The following PUM1 variants were observed in gnomAD, a reference collection of about 807,000 sequenced individuals.
PUM1 encodes the protein pumilio RNA binding family member 1.
PUM1 carries 13 observed loss-of-function variants against 131.8 expected under a neutral mutation model. The observed-to-expected ratio is 0.10, with a 90% CI of 0.06 to 0.16. The LOEUF (loss-of-function observed/expected upper bound fraction) is 0.16. PUM1 is among the 10% of genes least tolerant of loss of function. The pLI is 1.00. For missense variants in PUM1, 961 were observed against 1,512.4 expected, an observed-to-expected ratio of 0.64 and a Z score of 6.05; for synonymous variants, 509 against 556.5, an observed-to-expected ratio of 0.91 and a Z score of 1.20.
chr1:30,980,977 T>C (rs1037555797), intron 8 of PUM1, among the ~76,000 whole-genome samples: 9 of 152,246 alleles, frequency 5.9e-5, no homozygotes, highest in Admixed American at 1.3e-4. Context: ...TATTAGTCTA[T>C]AGAACCACAA....
At chr1:31,019,155 C>A (rs534310329) in intron 3 of PUM1, among the ~76,000 whole-genome samples, 42 of 152,200 alleles carry the variant, frequency 2.8e-4, no homozygotes, top group African/African-American at 8.7e-4. Flanking sequence ...ATTTTCAAGA[C>A]CAACCTGGCC....
intron 2 of PUM1, among the ~76,000 whole-genome samples, chr1:31,056,260 C>T (rs2005360): frequency 0.28 from 42,266 of 151,682 alleles, 7,456 homozygotes; most frequent in East Asian, 0.53. Context: ...ATATCTTCAT[C>T]CCAAAGAAAG....
chr1:30,932,999 T>TA lies in PUM1; in HGVS notation c.*211dup, dbSNP rs1478180371. On this transcript the variant is annotated 3_prime_UTR_variant, in exon 22 of 22. Transcript: ENST00000426105. Reference sequence around the variant, plus strand: ...TAAAACAGCAGGGCAATTAGTCAATTAAAAAAAATAGTACATGTTATGTGT... The same window carrying TA: ...TAAAACAGCAGGGCAATTAGTCAATTAAAAAAAAATAGTACATGTTATGTGT... The TA allele has an allele frequency of 7.6e-5, 39 of 510,094 alleles. No homozygotes were observed. The highest frequency in any genetic ancestry group is 1.6e-4 in the East Asian group (4 of 25,458). The allele number at this position is 510,094 out of a possible 1,614,324, so 31.6% of individuals were successfully genotyped here.
At chr1:30,946,435 G>A (rs60447260) in intron 17 of PUM1, among the ~76,000 whole-genome samples, 2,424 of 151,264 alleles carry the variant, frequency 0.016, 71 homozygotes, top group African/African-American at 0.055. Context: ...TCAGGAGTTC[G>A]AGACCAGCCT....
At position 31,048,537 on chromosome 1, in the gene PUM1, C is replaced by T. The variant is rs187810967; in HGVS notation, c.363+10667G>A. Among the ~76,000 whole-genome samples the T allele has an allele frequency of 5.1e-3, 767 of 150,912 alleles. 4 individuals are homozygous for T. Among genetic ancestry groups the T allele is most frequent in the East Asian group, 0.032 (160 of 4,984 alleles). ...TCGCCCAGGCTGGAGTGCAATGGTG[C>T]GATCTCGGCTCACTGCAACCTCCGC... On this transcript the variant is annotated intron_variant, in intron 2 of 21. Transcript: ENST00000426105.
intron 18 of PUM1, 138 bp from the exon 19 acceptor site, chr1:30,942,261 A>C: frequency 5.2e-6 from 1 of 190,986 alleles, no homozygotes; most frequent in Non-Finnish European, 9.0e-6. Flanking sequence ...ATCTTCACAA[A>C]TGAACTTAAT....
chr1:31,010,675 T>C (rs1642579359), intron 3 of PUM1, among the ~76,000 whole-genome samples: 1 of 152,220 alleles, frequency 6.6e-6, no homozygotes, highest in South Asian at 2.1e-4. Context: ...TGGATTCTGA[T>C]GGTTGATACC....
chr1:31,019,133 G>A (rs1642929328), intron 3 of PUM1, among the ~76,000 whole-genome samples: 2 of 152,174 alleles, frequency 1.3e-5, no homozygotes, highest in African/African-American at 4.8e-5. Flanking sequence ...CGAGCGAATC[G>A]CTTGAGCCCA....
intron 3 of PUM1, among the ~76,000 whole-genome samples, chr1:31,015,661 T>C (rs1333888518): frequency 1.3e-5 from 2 of 148,988 alleles, no homozygotes; most frequent in African/African-American, 4.9e-5. Context: ...AATTTATTTA[T>C]TTTTCTTTTT....
intron 5 of PUM1, among the ~76,000 whole-genome samples, chr1:30,996,602 C>T (rs933960307): frequency 6.6e-6 from 1 of 152,188 alleles, no homozygotes; most frequent in African/African-American, 2.4e-5. Flanking sequence ...AAAGGATATA[C>T]AACTTAGCTT....
At chr1:31,038,010 C>T (rs780136165) in intron 2 of PUM1, among the ~76,000 whole-genome samples, 2 of 148,588 alleles carry the variant, frequency 1.3e-5, no homozygotes, top group African/African-American at 5.0e-5. Context: ...ACTCAGGAGG[C>T]GGAAGTTGCA....
chr1:31,005,074 A>G (rs1642350851), intron 5 of PUM1, among the ~76,000 whole-genome samples: 1 of 152,268 alleles, frequency 6.6e-6, no homozygotes, highest in South Asian at 2.1e-4. Flanking sequence ...CAACAGTCGC[A>G]GAATTCAAAA....
chr1:30,932,468 G>A lies in PUM1; in HGVS notation c.*743C>T, dbSNP rs1218994028. ...AATGTTAATAGAAAAAAATCCAGTA[G>A]GCAGTAAACAATCACACCCGCCCAG... is the stretch of plus-strand genomic sequence containing the variant. On this transcript the variant is annotated 3_prime_UTR_variant, in exon 22 of 22. Transcript: ENST00000426105. 2 of 151,558 alleles carry A rather than the reference G, an allele frequency of 1.3e-5. No individual in the cohort carries two copies. The highest frequency in any genetic ancestry group is 4.8e-5 in the African/African-American group (2 of 41,268). The allele number at this position is 151,558 out of a possible 1,614,324, so 9.4% of individuals were successfully genotyped here. A position where few individuals can be genotyped will look rare whatever the true frequency, so the allele number is the denominator to read the frequency against.
chr1:30,992,604 T>C lies in PUM1; in HGVS notation c.944A>G (p.Asn315Ser). The change falls in exon 7 of 22, where the codon AAC (asparagine) becomes AGC (serine). Residue 315 changes from asparagine (N) to serine (S), a missense_variant. By Grantham distance (46) the Asn-to-Ser change is conservative. Around this residue, in one of 4 missense-constraint regions of PUM1, gnomAD observed 654 missense variants for 923.9 expected, o/e 0.71. Transcript: ENST00000426105. ...GGCTAAGCCCTCAGAACCATTCTGG[T>C]TTGGACCCAGAAGATCCACTTCATT... ...SANEVDLLGP[N>S]QNGSEGLAQL... is the part of the protein sequence containing the mutation. 6.2e-7 allele frequency: 1 copy of C among 1,614,156 alleles called. No individual in the cohort carries two copies. The highest frequency in any genetic ancestry group is 8.5e-7 in the Non-Finnish European group (1 of 1,180,008).
At chr1:31,003,507 AG>A (rs1291104285) in intron 5 of PUM1, among the ~76,000 whole-genome samples, 1 of 152,180 alleles carries the variant, frequency 6.6e-6, no homozygotes, top group East Asian at 1.9e-4. Flanking sequence ...TTGTAATCCC[AG>A]CACTTTGGGA....
intron 2 of PUM1, among the ~76,000 whole-genome samples, chr1:31,030,540 AAAAAAT>A (rs745983169): frequency 6.6e-6 from 1 of 152,072 alleles, no homozygotes; most frequent in Non-Finnish European, 1.5e-5. Flanking sequence ...ACAAAAATTT[AAAAAAT>A]AAAAATAAAA....
intron 12 of PUM1, 145 bp from the exon 13 acceptor site, chr1:30,966,423 T>G (rs1204205759): frequency 5.3e-6 from 4 of 757,864 alleles, no homozygotes; most frequent in Non-Finnish European, 8.1e-6. Context: ...CTTTGATCCC[T>G]TCATATGAAG....
chr1:30,969,984 T>C (rs1347846474), intron 10 of PUM1, among the ~76,000 whole-genome samples: 1 of 152,166 alleles, frequency 6.6e-6, no homozygotes, highest in Non-Finnish European at 1.5e-5. Flanking sequence ...TTTTTATTAA[T>C]GAAACACAGA....
rs1640047665 is a variant in PUM1, at chr1:30,953,973, T to C, written c.2332A>G (p.Thr778Ala). Residue 778 changes from threonine (T) to alanine (A), a missense_variant, in exon 15 of 22, where the codon ACG becomes GCG. Physicochemically the swap from Thr to Ala is moderately conservative, Grantham distance 58. This residue lies in a region of PUM1 where 117 missense variants were observed against 200.7 expected (regional missense o/e 0.58). Transcript: ENST00000426105. ...SSSSLNLGGL[T>A]NGSGRYISAA... ...GAGATGTATCTTCCACTGCCATTCGTGAGTCCTCCTGTTGGTTACAGAACA... is the reference window on the plus strand; with the variant it reads ...GAGATGTATCTTCCACTGCCATTCGCGAGTCCTCCTGTTGGTTACAGAACA... 1 of 1,613,850 alleles carries C rather than the reference T, an allele frequency of 6.2e-7. No homozygotes were observed. The highest frequency in any genetic ancestry group is 2.2e-5 in the East Asian group (1 of 44,882).
Sources: allele counts gnomAD v4.1 joint callset (sites outside exome capture counted in the v4.1 genomes callset), GRCh38; gene constraint gnomAD v4.1.1; regional missense constraint gnomAD v4.1.1; transcripts MANE v1.5; gene names NCBI Gene and HGNC (gene_info 2026-07-23, HGNC 2026-07-21).